Variants in PPIL6 observed in about 807,000 individuals in gnomAD.
PPIL6 encodes the protein peptidylprolyl isomerase like 6, also known as probable inactive peptidyl-prolyl cis-trans isomerase-like 6.
A neutral mutation model predicts 36.8 loss-of-function variants in PPIL6; 39 were observed. The ratio of observed to expected loss-of-function variants is 1.06; its 90% CI spans 0.82 to 1.38. The LOEUF (loss-of-function observed/expected upper bound fraction) is 1.38. Among genes scored for constraint, PPIL6 ranks in the 40% most tolerant of loss-of-function variants. The probability of loss-of-function intolerance (pLI) is 0.00; values close to 1 mark genes in which losing one functional copy is unlikely to be tolerated. For missense variants in PPIL6, 368 were observed against 379.1 expected (o/e 0.97, Z 0.24); for synonymous variants, 123 against 134.1 (o/e 0.92, Z 0.57).
intron 2 of PPIL6, among the ~76,000 whole-genome samples, chr6:109,432,058 A>G (rs1774189353): frequency 6.6e-6 from 1 of 152,226 alleles, no homozygotes; most frequent in Non-Finnish European, 1.5e-5. Flanking sequence ...AACAAAAATC[A>G]TCATGAGCCT....
intron 2 of PPIL6, among the ~76,000 whole-genome samples, chr6:109,434,411 A>C (rs1774334280): frequency 6.6e-6 from 1 of 152,068 alleles, no homozygotes; most frequent in African/African-American, 2.4e-5. Context: ...AAAAAAAAGA[A>C]TATATATGTG....
intron 5 of PPIL6, among the ~76,000 whole-genome samples, chr6:109,422,871 G>A (rs902622730): frequency 6.6e-6 from 1 of 152,136 alleles, no homozygotes; most frequent in Non-Finnish European, 1.5e-5. Context: ...TGTTTTATGA[G>A]TTATAAACAT....
intron 5 of PPIL6, among the ~76,000 whole-genome samples, 192 bp from the exon 6 acceptor site, chr6:109,419,435 G>T (rs1031665972): frequency 6.6e-6 from 1 of 150,966 alleles, no homozygotes; most frequent in Non-Finnish European, 1.5e-5. Flanking sequence ...AAAAAAAAGA[G>T]GAATCAGCCA....
intron 3 of PPIL6, among the ~76,000 whole-genome samples, chr6:109,429,195 C>T (rs953639730): frequency 6.6e-6 from 1 of 152,204 alleles, no homozygotes; most frequent in Admixed American, 6.5e-5. Flanking sequence ...TCCTCACTGC[C>T]ACGAATTATT....
chr6:109,422,558 C>T (rs1773606238), intron 5 of PPIL6, among the ~76,000 whole-genome samples: 1 of 151,990 alleles, frequency 6.6e-6, no homozygotes, highest in Admixed American at 6.6e-5. Flanking sequence ...CCACTGCACT[C>T]AGCCTGAGCG....
rs138387292 is a variant in PPIL6, at chr6:109,431,166, T to C, written c.411A>G (p.Arg137=). ...LTEDFSAKFL[R]DTKHDFVFLD... ...AGTTAGTATAACTTGCCTTGGTGTC[T>C]CTTAAGAACTTAGCGGAAAAATCCT... Residue 137 remains arginine, a synonymous_variant, in exon 3 of 8, where the codon AGA becomes AGG. Transcript: ENST00000521072. 10 of 1,599,042 alleles carry C rather than the reference T, an allele frequency of 6.3e-6. No individual in the cohort carries two copies. In the African/African-American group the frequency reaches 1.3e-4, roughly 21 times the overall value.
rs763045667 is a variant in PPIL6 at position 109,427,078 on chromosome 6, TA to T, written c.483+15del. 52 of 1,598,714 alleles carry T rather than the reference TA, an allele frequency of 3.3e-5. No individual in the cohort carries two copies. Among genetic ancestry groups the T allele is most frequent in the Middle Eastern group, 1.7e-4 (1 of 6,020 alleles). On this transcript the variant is annotated intron_variant, in intron 4 of 7. Coordinates refer to ENST00000521072, the MANE Select transcript of PPIL6 (RefSeq NM_173672.5). ...GATCCTACCCCCACAAACTTACATA[TA>T]AAAAAAAGTATCACCTCAAAAATCA...
At chr6:109,399,913 A>G (rs1772457399) in intron 7 of PPIL6, 122 bp downstream of exon 7, 2 of 651,960 alleles carry the variant, frequency 3.1e-6, no homozygotes, top group Non-Finnish European at 4.7e-6. Context: ...TATTTGTATT[A>G]TTTTTGCATT....
chr6:109,431,274 A>G lies in PPIL6; in HGVS notation c.303T>C (p.Asp101=), dbSNP rs1330210253. The part of the protein sequence containing the change: ...ISFVNGQFLG[D]ALDLQKWAHE... ...GGGCCCATTTCTGCAGATCCAATGCATCACCCAGAAACTGACCATTAACAA... is the reference window on the plus strand; with the variant it reads ...GGGCCCATTTCTGCAGATCCAATGCGTCACCCAGAAACTGACCATTAACAA... Residue 101 remains aspartate (D), a synonymous_variant, in exon 3 of 8, where the codon GAT becomes GAC. Coordinates refer to ENST00000521072, the MANE Select transcript of PPIL6 (RefSeq NM_173672.5). 2 of 1,613,454 alleles carry G rather than the reference A, an allele frequency of 1.2e-6. No homozygotes were observed. Among genetic ancestry groups the G allele is most frequent in the Non-Finnish European group, 1.7e-6 (2 of 1,179,590 alleles).
chr6:109,431,198 G>T lies in PPIL6; in HGVS notation c.379C>A (p.Leu127Ile). Reference protein sequence around the residue: ...DIKPSALYDALTEDFSAKFLR... With the variant: ...DIKPSALYDAITEDFSAKFLR... The stretch of plus-strand genomic sequence containing the variant: ...AACTTAGCGGAAAAATCCTCAGTGA[G>T]TGCGTCATAAAGTGCAGAGGGTTTA... The change falls in exon 3 of 8, where the codon CTC becomes ATC. Residue 127 changes from leucine (L) to isoleucine (I), a missense_variant. Coordinates refer to ENST00000521072, the MANE Select transcript of PPIL6 (RefSeq NM_173672.5). The T allele has an allele frequency of 3.1e-6, 5 of 1,612,660 alleles. No homozygotes were observed. The highest frequency in any genetic ancestry group is 4.2e-6 in the Non-Finnish European group (5 of 1,179,374).
intron 7 of PPIL6, among the ~76,000 whole-genome samples, chr6:109,397,331 G>A (rs558683363): frequency 1.0e-3 from 157 of 152,026 alleles, no homozygotes; most frequent in Non-Finnish European, 1.9e-3. Context: ...AAAGGAGACC[G>A]AGTGCTCTCC....
chr6:109,393,036 A>G lies in PPIL6; in HGVS notation c.825-99T>C, dbSNP rs78138455. Reference sequence around the variant, plus strand: ...GTCCTACCCAGCTATAGCTAAGACTATTTCCTACAAATTGAATGAACATCA... The same window carrying G: ...GTCCTACCCAGCTATAGCTAAGACTGTTTCCTACAAATTGAATGAACATCA... On this transcript the variant is annotated intron_variant, in intron 7 of 7. Coordinates refer to ENST00000521072, the MANE Select transcript of PPIL6 (RefSeq NM_173672.5). 560 of 677,378 alleles carry G rather than the reference A, an allele frequency of 8.3e-4. 3 individuals are homozygous for G. The African/African-American group carries it at 9.1e-3, about 11-fold the overall frequency. 42.0% of individuals were successfully genotyped at this position (677,378 alleles called of 1,614,324 possible).
chr6:109,420,346 A>AAG (rs1773480125), intron 5 of PPIL6, among the ~76,000 whole-genome samples: 1 of 150,262 alleles, frequency 6.7e-6, no homozygotes, highest in African/African-American at 2.4e-5. Flanking sequence ...AAAAAAAAAA[A>AAG]AAAAAAAAAA....
rs919554277 is a variant in PPIL6, at chr6:109,391,781, T to A, written c.*1045A>T. On this transcript the variant is annotated 3_prime_UTR_variant, in exon 8 of 8. Transcript: ENST00000521072. Reference sequence around the variant, plus strand: ...AAGCCCTTGGTTTTCATAGGGTTGGTATGGCTCAGAGAGATAAGGATGATG... The same window carrying A: ...AAGCCCTTGGTTTTCATAGGGTTGGAATGGCTCAGAGAGATAAGGATGATG... The A allele has an allele frequency of 6.6e-6, 1 of 152,218 alleles. No homozygotes were observed. Among genetic ancestry groups the A allele is most frequent in the East Asian group, 1.9e-4 (1 of 5,200 alleles). The allele number at this position is 152,218 out of a possible 1,614,324, so 9.4% of individuals were successfully genotyped here.
At chr6:109,402,720 T>G (rs1772610554) in intron 6 of PPIL6, among the ~76,000 whole-genome samples, 1 of 152,114 alleles carries the variant, frequency 6.6e-6, no homozygotes, top group South Asian at 2.1e-4. Context: ...AAAAAAAGTG[T>G]GAAAACTAAA....
intron 6 of PPIL6, among the ~76,000 whole-genome samples, chr6:109,407,236 T>C (rs1200445578): frequency 1.3e-5 from 2 of 149,842 alleles, no homozygotes; most frequent in Non-Finnish European, 2.9e-5. Context: ...GACTATGGAA[T>C]ATTCTTTTTT....
intron 7 of PPIL6, among the ~76,000 whole-genome samples, chr6:109,395,928 C>T (rs953602416): frequency 2.6e-5 from 4 of 151,228 alleles, no homozygotes; most frequent in East Asian, 2.0e-4. Flanking sequence ...CTCCGCCTCC[C>T]GGGTTGACAC....
In PPIL6 at chr6:109,392,672, A is replaced by G; in HGVS notation, c.*154T>C. 1.7e-6 allele frequency: 1 copy of G among 574,388 alleles called. No homozygotes were observed. The highest frequency in any genetic ancestry group is 3.1e-6 in the Non-Finnish European group (1 of 326,580). 35.6% of individuals were successfully genotyped at this position (574,388 alleles called of 1,614,324 possible). On this transcript the variant is annotated 3_prime_UTR_variant, in exon 8 of 8. Transcript: ENST00000521072. ...ACAGTCTCTATGACAGAGACAGGAA[A>G]GGAAGATGGGGAGGGATTGGGTGTA... is the stretch of plus-strand genomic sequence containing the variant.
At chr6:109,414,549 A>G (rs1420093143) in intron 6 of PPIL6, among the ~76,000 whole-genome samples, 1 of 133,814 alleles carries the variant, frequency 7.5e-6, no homozygotes, top group Admixed American at 8.6e-5. Context: ...CAGTGGTGCA[A>G]TCTTGGCTCA....
Sources: allele counts gnomAD v4.1 joint callset (sites outside exome capture counted in the v4.1 genomes callset), GRCh38; gene constraint gnomAD v4.1.1; transcripts MANE v1.5; gene names NCBI Gene and HGNC (gene_info 2026-07-23, HGNC 2026-07-21).